The following CTNNA2 variants were observed in gnomAD, a reference collection of about 807,000 sequenced individuals.
CTNNA2 encodes the protein catenin alpha 2.
Under a neutral mutation model 101.0 loss-of-function variants are expected in CTNNA2, and 42 were observed. The ratio of observed to expected loss-of-function variants is 0.42; its 90% CI spans 0.32 to 0.54. The LOEUF (loss-of-function observed/expected upper bound fraction) is 0.54, where lower values mean the gene tolerates loss of function less well. Among genes scored for constraint, CTNNA2 ranks in the 20% least tolerant of loss-of-function variants. The probability of loss-of-function intolerance (pLI) is 0.14; values close to 1 mark genes in which losing one functional copy is unlikely to be tolerated. For synonymous variants in CTNNA2, 450 were observed against 456.4 expected (o/e 0.99, Z 0.18); for missense variants, 871 against 1,223.1 (o/e 0.71, Z 4.29).
At chr2:79,206,637 G>A (rs756562519) in intron 2 of CTNNA2, among the ~76,000 whole-genome samples, 8 of 152,086 alleles carry the variant, frequency 5.3e-5, no homozygotes, top group Non-Finnish European at 8.8e-5. Flanking sequence ...CCCAGCTTCA[G>A]GAGGAACTTA....
At chr2:80,627,089 C>T (rs993514028) in intron 18 of CTNNA2, among the ~76,000 whole-genome samples, 1 of 152,072 alleles carries the variant, frequency 6.6e-6, no homozygotes, top group African/African-American at 2.4e-5. Context: ...GTATATGTGC[C>T]ACATTTTCTT....
chr2:80,283,331 G>C (rs1457220004), intron 7 of CTNNA2, among the ~76,000 whole-genome samples: 1 of 152,008 alleles, frequency 6.6e-6, no homozygotes, highest in East Asian at 1.9e-4. Flanking sequence ...ATAATATTAA[G>C]GAAATGCTGG....
intron 6 of CTNNA2, among the ~76,000 whole-genome samples, chr2:79,880,636 TTG>T (rs1417603243): frequency 1.3e-5 from 2 of 152,180 alleles, no homozygotes; most frequent in Admixed American, 6.5e-5. Flanking sequence ...TGATGGTAGT[TTG>T]TATTTCTGTG....
intron 2 of CTNNA2, among the ~76,000 whole-genome samples, chr2:79,231,715 A>G (rs556647955): frequency 1.3e-5 from 2 of 152,134 alleles, no homozygotes; most frequent in Non-Finnish European, 2.9e-5. Flanking sequence ...CCATTTATTT[A>G]TGTCATCTCT....
chr2:79,737,271 C>T (rs1200508945), intron 2 of CTNNA2, among the ~76,000 whole-genome samples: 2 of 151,792 alleles, frequency 1.3e-5, no homozygotes, highest in East Asian at 3.9e-4. Flanking sequence ...ATAGCTTGAA[C>T]TCAGGAGATA....
chr2:79,572,343 A>C lies in CTNNA2; in HGVS notation c.-6+59136A>C, dbSNP rs570314829. 2.8e-3 allele frequency among the ~76,000 whole-genome samples: 432 copies of C among 152,264 alleles called. 4 individuals are homozygous for C. The highest frequency in any genetic ancestry group is 9.8e-3 in the African/African-American group (406 of 41,550). Reference sequence around the variant, plus strand: ...TTTGAGAAAAATAAGTTAAGCTGAAAATGTTTGAAAACTATAGATGTGGAG... The same window carrying C: ...TTTGAGAAAAATAAGTTAAGCTGAACATGTTTGAAAACTATAGATGTGGAG... On this transcript the variant is annotated intron_variant, in intron 1 of 18. Coordinates refer to ENST00000402739, the MANE Select transcript of CTNNA2 (RefSeq NM_001282597.3).
chr2:79,958,311 G>C lies in CTNNA2; in HGVS notation c.1056+48514G>C, dbSNP rs138477984. Among the ~76,000 whole-genome samples the C allele has an allele frequency of 8.5e-4, 130 of 152,214 alleles. 1 individual carries two copies. Among genetic ancestry groups the C allele is most frequent in the Middle Eastern group, 3.4e-3 (1 of 294 alleles). Reference sequence around the variant, plus strand: ...TTAGTAACAGAACTTGTGAACCAATGAGTATGTTACAGAAATCTTCCATGG... The same window carrying C: ...TTAGTAACAGAACTTGTGAACCAATCAGTATGTTACAGAAATCTTCCATGG... On this transcript the variant is annotated intron_variant, in intron 7 of 18. Coordinates refer to ENST00000402739, the MANE Select transcript of CTNNA2 (RefSeq NM_001282597.3).
intron 9 of CTNNA2, among the ~76,000 whole-genome samples, chr2:80,514,188 A>G (rs1446208894): frequency 1.3e-5 from 2 of 152,068 alleles, no homozygotes; most frequent in Non-Finnish European, 2.9e-5. Flanking sequence ...TGCTCTGATT[A>G]CTTGGCCAGC....
chr2:80,210,558 G>T (rs889705433), intron 7 of CTNNA2, among the ~76,000 whole-genome samples: 6 of 152,056 alleles, frequency 3.9e-5, no homozygotes, highest in Non-Finnish European at 2.9e-5. Context: ...CTTTTTTATG[G>T]CTGCGTAGTT....
chr2:79,276,863 T>G (rs1050736695), intron 2 of CTNNA2, among the ~76,000 whole-genome samples: 2 of 152,150 alleles, frequency 1.3e-5, no homozygotes, highest in African/African-American at 4.8e-5. Context: ...GTTTTCCATT[T>G]CTACTTCTTC....
At chr2:80,130,270 G>A (rs1235031608) in intron 7 of CTNNA2, among the ~76,000 whole-genome samples, 3 of 152,204 alleles carry the variant, frequency 2.0e-5, no homozygotes, top group African/African-American at 7.2e-5. Flanking sequence ...GTTACAAGGT[G>A]TAGTTCAAGT....
intron 1 of CTNNA2, among the ~76,000 whole-genome samples, chr2:79,570,934 C>T (rs918125437): frequency 3.3e-5 from 5 of 152,136 alleles, no homozygotes; most frequent in African/African-American, 1.2e-4. Flanking sequence ...TGTTTACATT[C>T]ATATGCCAAA....
intron 18 of CTNNA2, among the ~76,000 whole-genome samples, chr2:80,641,388 G>A (rs1399016439): frequency 6.6e-6 from 1 of 151,992 alleles, no homozygotes; most frequent in East Asian, 1.9e-4. Flanking sequence ...TTTGAAAAAA[G>A]ACATACAATG....
At chr2:80,047,104 G>T (rs1979515) in intron 7 of CTNNA2, among the ~76,000 whole-genome samples, 15,344 of 152,044 alleles carry the variant, frequency 0.1, 1,373 homozygotes, top group African/African-American at 0.24. Context: ...AAAATCTCTG[G>T]CCTAGACCTT....
intron 7 of CTNNA2, among the ~76,000 whole-genome samples, chr2:80,147,225 C>T (rs898388766): frequency 6.6e-6 from 1 of 152,062 alleles, no homozygotes; most frequent in East Asian, 1.9e-4. Flanking sequence ...CTTGGCTTCC[C>T]AAAGTGCTGG....
At chr2:79,811,448 C>T (rs936753677) in intron 3 of CTNNA2, among the ~76,000 whole-genome samples, 32 of 152,046 alleles carry the variant, frequency 2.1e-4, no homozygotes, top group African/African-American at 7.7e-4. Flanking sequence ...GAGTAGATTG[C>T]AGAAATTTTC....
chr2:79,596,810 A>C (rs975869807), intron 1 of CTNNA2, among the ~76,000 whole-genome samples: 3 of 152,228 alleles, frequency 2.0e-5, no homozygotes, highest in African/African-American at 7.2e-5. Flanking sequence ...TCTTTGACCT[A>C]CAGCTAGTAT....
chr2:80,451,427 C>T (rs1574070644), intron 9 of CTNNA2, among the ~76,000 whole-genome samples: 1 of 152,186 alleles, frequency 6.6e-6, no homozygotes, highest in African/African-American at 2.4e-5. Flanking sequence ...CTGAGGCCTC[C>T]CCAGCCCTGT....
chr2:79,671,023 C>G lies in CTNNA2; in HGVS notation c.102+19365C>G, dbSNP rs1558822699. 2.6e-5 allele frequency among the ~76,000 whole-genome samples: 4 copies of G among 152,138 alleles called. No individual in the cohort carries two copies. The South Asian group carries it at 6.2e-4, about 24-fold the overall frequency. Reference sequence around the variant, plus strand: ...GGTGAAATCTTTCTTCCTCACACCTCTAAGAAGCAAGAATGCGACTGTTAA... The same window carrying G: ...GGTGAAATCTTTCTTCCTCACACCTGTAAGAAGCAAGAATGCGACTGTTAA... On this transcript the variant is annotated intron_variant, in intron 2 of 18. Coordinates refer to ENST00000402739, the MANE Select transcript of CTNNA2 (RefSeq NM_001282597.3).
Sources: gnomAD v4.1 joint callset for allele counts (sites outside exome capture counted in the v4.1 genomes callset) on GRCh38, gnomAD v4.1.1 for gene constraint, MANE v1.5 for transcripts, NCBI Gene and HGNC (gene_info 2026-07-23, HGNC 2026-07-21) for gene names.